MPHOSPH6: variants seen among roughly 807,000 people sequenced by gnomAD.
The protein encoded by MPHOSPH6 is M-phase phosphoprotein 6.
A neutral mutation model predicts 21.8 loss-of-function variants in MPHOSPH6; 25 were observed. The observed-to-expected ratio is 1.15, with a 90% confidence interval of 0.83 to 1.60. The LOEUF (loss-of-function observed/expected upper bound fraction) is 1.60. Ranked by LOEUF, MPHOSPH6 falls within the 40% of genes most tolerant of loss-of-function variation. The pLI, the probability that MPHOSPH6 is intolerant of heterozygous loss-of-function variation, is 0.00. For synonymous variants in MPHOSPH6, 84 were observed against 56.5 expected (o/e 1.49, Z -2.18); for missense variants, 269 against 181.8 (o/e 1.48, Z -2.76).
At chr16:82,154,446 C>T (rs1906365072) in intron 2 of MPHOSPH6, among the ~76,000 whole-genome samples, 1 of 151,926 alleles carries the variant, frequency 6.6e-6, no homozygotes, top group South Asian at 2.1e-4. Context: ...CCTAGACATG[C>T]AAGGAAGCAA....
At chr16:82,152,492 C>G (rs1906295818) in intron 2 of MPHOSPH6, among the ~76,000 whole-genome samples, 1 of 152,110 alleles carries the variant, frequency 6.6e-6, no homozygotes, top group African/African-American at 2.4e-5. Context: ...TTCCAGGACC[C>G]CTTGTAGATA....
intron 1 of MPHOSPH6, among the ~76,000 whole-genome samples, chr16:82,169,839 C>T (rs924705809): frequency 6.6e-6 from 1 of 152,130 alleles, no homozygotes; most frequent in Non-Finnish European, 1.5e-5. Context: ...TCCCCAAGGT[C>T]CCCAGCGCTT....
rs961555438 is a variant in MPHOSPH6, at chr16:82,149,224, G to A, written c.350+85C>T. ...CTGGGGGACTCCCTTGAAAGCTGCC[G>A]TGCACTGTGGGGTAAGAGGAGCATT... On this transcript the variant is annotated intron_variant, in intron 4 of 4. Coordinates refer to ENST00000258169, the MANE Select transcript of MPHOSPH6 (RefSeq NM_005792.2). 2.4e-5 allele frequency: 33 copies of A among 1,374,192 alleles called. No homozygotes were observed. The African/African-American group carries it at 2.6e-4, about 11-fold the overall frequency. 85.1% of individuals were successfully genotyped at this position (1,374,192 alleles called of 1,614,324 possible).
At chr16:82,149,158 C>T (rs183260837) in intron 4 of MPHOSPH6, 151 bp downstream of exon 4, 8 of 848,726 alleles carry the variant, frequency 9.4e-6, no homozygotes, top group South Asian at 6.2e-5. Flanking sequence ...CTGTGGCCCC[C>T]GTAGGCCATT....
chr16:82,163,937 A>G, intron 2 of MPHOSPH6, 145 bp downstream of exon 2: 1 of 587,696 alleles, frequency 1.7e-6, no homozygotes, highest in African/African-American at 1.9e-5. Flanking sequence ...TATAGGTTTA[A>G]TATTTTTTAG....
At chr16:82,163,576 A>C (rs1906670908) in intron 2 of MPHOSPH6, among the ~76,000 whole-genome samples, 1 of 152,258 alleles carries the variant, frequency 6.6e-6, no homozygotes, top group South Asian at 2.1e-4. Context: ...CAATAACTAC[A>C]GATGTAAAGT....
rs1906184925 is a variant in MPHOSPH6, at chr16:82,149,254, G to C, written c.350+55C>G. 2.6e-6 allele frequency: 4 copies of C among 1,552,000 alleles called. No homozygotes were observed. In the African/African-American group the frequency reaches 4.1e-5, roughly 16 times the overall value. ...CTGTGGGGTAAGAGGAGCATTCCTG[G>C]GAGAGCCAATGAATGCTAGGTCCAG... On this transcript the variant is annotated intron_variant, in intron 4 of 4. Coordinates refer to ENST00000258169, the MANE Select transcript of MPHOSPH6 (RefSeq NM_005792.2).
At chr16:82,163,038 T>G (rs2967351) in intron 2 of MPHOSPH6, among the ~76,000 whole-genome samples, 83 of 152,332 alleles carry the variant, frequency 5.4e-4, no homozygotes, top group African/African-American at 1.8e-3. Context: ...AACATCTTGC[T>G]TCCTCTGAGA....
intron 1 of MPHOSPH6, among the ~76,000 whole-genome samples, chr16:82,165,573 C>T (rs978452005): frequency 1.3e-5 from 2 of 152,088 alleles, no homozygotes; most frequent in Admixed American, 6.5e-5. Flanking sequence ...GATGTTTGGT[C>T]GACGATGGAA....
Position 82,162,961 on chromosome 16 carries a change from G to C in MPHOSPH6, c.164+1121C>G, listed in dbSNP as rs1218308058. Among the ~76,000 whole-genome samples, 5 of 128,766 alleles carry C rather than the reference G, an allele frequency of 3.9e-5. No homozygotes were observed. The Admixed American group carries it at 4.2e-4, about 11-fold the overall frequency. The allele number at this position is 128,766 out of a possible 152,430, so 84.5% of individuals were successfully genotyped here. A position where few individuals can be genotyped will look rare whatever the true frequency, so the allele number is the denominator to read the frequency against. ...ACTTAAGGCATAAAAGTAAATTATA[G>C]CTCCAGCAGCAAAGGTCCCTTCCTC... On this transcript the variant is annotated intron_variant, in intron 2 of 4. Transcript: ENST00000258169.
chr16:82,164,616 C>T (rs551905779), intron 1 of MPHOSPH6: 5 of 160,202 alleles, frequency 3.1e-5, no homozygotes, highest in Admixed American at 6.3e-5. Context: ...GTGCCTCTGT[C>T]CTAAATGCTT....
chr16:82,165,118 T>C (rs1287988399), intron 1 of MPHOSPH6, among the ~76,000 whole-genome samples: 2 of 52,886 alleles, frequency 3.8e-5, no homozygotes, highest in African/African-American at 1.2e-4. Context: ...ATATTTCTTT[T>C]TTATTTTTTT....
intron 2 of MPHOSPH6, 76 bp from the exon 3 acceptor site, chr16:82,151,590 A>G: frequency 6.8e-7 from 1 of 1,471,154 alleles, no homozygotes; most frequent in South Asian, 1.5e-5. Flanking sequence ...TGAATAAAAA[A>G]AATAATCAAC....
chr16:82,168,947 C>G (rs1353227322), intron 1 of MPHOSPH6, among the ~76,000 whole-genome samples: 12 of 152,160 alleles, frequency 7.9e-5, no homozygotes, highest in African/African-American at 2.9e-4. Flanking sequence ...AATTCCCGTC[C>G]TGTCTACACT....
intron 2 of MPHOSPH6, among the ~76,000 whole-genome samples, chr16:82,153,279 T>C (rs998937427): frequency 6.6e-6 from 1 of 152,186 alleles, no homozygotes; most frequent in Non-Finnish European, 1.5e-5. Context: ...AGGGGAGTAA[T>C]TGGTATGGAA....
At chr16:82,158,558 T>C (rs1326927008) in intron 2 of MPHOSPH6, among the ~76,000 whole-genome samples, 2 of 151,754 alleles carry the variant, frequency 1.3e-5, no homozygotes, top group Non-Finnish European at 2.9e-5. Flanking sequence ...CTAACTGCAC[T>C]TGTGTGACTG....
At chr16:82,150,544 T>C (rs1185366665) in intron 3 of MPHOSPH6, among the ~76,000 whole-genome samples, 1 of 152,234 alleles carries the variant, frequency 6.6e-6, no homozygotes, top group East Asian at 1.9e-4. Flanking sequence ...CTGTGGCTCC[T>C]AGAGAAGTGG....
At chr16:82,152,601 G>A (rs945957196) in intron 2 of MPHOSPH6, among the ~76,000 whole-genome samples, 10 of 152,134 alleles carry the variant, frequency 6.6e-5, no homozygotes, top group African/African-American at 9.7e-5. Flanking sequence ...AATAACGGTC[G>A]CTAGGTGGTT....
intron 2 of MPHOSPH6, chr16:82,163,733 C>G (rs8050693): frequency 3.5e-5 from 6 of 172,634 alleles, no homozygotes; most frequent in Non-Finnish European, 7.3e-5. Flanking sequence ...GTAACCGAAA[C>G]AAAACTGGAG....
Sources: gnomAD v4.1 joint callset for allele counts (sites outside exome capture counted in the v4.1 genomes callset) on GRCh38, gnomAD v4.1.1 for gene constraint, MANE v1.5 for transcripts, NCBI Gene and HGNC (gene_info 2026-07-23, HGNC 2026-07-21) for gene names.